Variants in CAPN12 observed in about 807,000 individuals in gnomAD.
The protein encoded by CAPN12 is calpain 12, also known as calpain-12.
In CAPN12, 107 loss-of-function variants were observed where a neutral mutation model predicts 95.0. The observed-to-expected ratio is 1.13, with a 90% CI of 0.96 to 1.32. The LOEUF (loss-of-function observed/expected upper bound fraction) is 1.32. Ranked by LOEUF, CAPN12 falls within the 40% of genes most tolerant of loss-of-function variation. The probability of loss-of-function intolerance (pLI) is 0.00; values close to 1 mark genes in which losing one functional copy is unlikely to be tolerated. For missense variants in CAPN12, 1,136 were observed against 997.8 expected, an observed-to-expected ratio of 1.14 and a Z score of -1.87; for synonymous variants, 505 against 415.5, an observed-to-expected ratio of 1.22 and a Z score of -2.62.
Position 38,737,262 on chromosome 19 carries a change from C to G in CAPN12, c.1256G>C (p.Gly419Ala). The G allele has an allele frequency of 6.5e-7, 1 of 1,548,276 alleles. No individual in the cohort carries two copies. The highest frequency in any genetic ancestry group is 2.0e-5 in the Admixed American group (1 of 51,058). Reference sequence around the variant, plus strand: ...AAGGACCGTGCACTTGGGCGTGCGGCCCCCCCGCGCTGGGCCCCGTGCCCC... The same window carrying G: ...AAGGACCGTGCACTTGGGCGTGCGGGCCCCCCGCGCTGGGCCCCGTGCCCC... ...AAGARGPARG[G>A]RTPKCTVLLS... The change falls in exon 10 of 21, where the codon GGC becomes GCC. Residue 419 changes from glycine to alanine, a missense_variant. By Grantham distance (60) the Gly-to-Ala change is moderately conservative. Coordinates refer to ENST00000328867, the MANE Select transcript of CAPN12 (RefSeq NM_144691.4).
chr19:38,741,856 G>T lies in CAPN12; in HGVS notation c.481C>A (p.Arg161Ser), dbSNP rs539611909. ...DVVVDDRLPV[R>S]EGKLMFVRSE... ...CGCACGAACATCAGCTTCCCCTCACGCACGGGCAGCCTGTCATCCACCACG... is the reference window on the plus strand; with the variant it reads ...CGCACGAACATCAGCTTCCCCTCACTCACGGGCAGCCTGTCATCCACCACG... The change falls in exon 4 of 21, where the codon CGT (arginine) becomes AGT (serine). Residue 161 changes from arginine (R) to serine (S), a missense_variant. By Grantham distance (110) the Arg-to-Ser change is moderately radical (BLOSUM62 -1). Coordinates refer to ENST00000328867, the MANE Select transcript of CAPN12 (RefSeq NM_144691.4). The T allele has an allele frequency of 1.2e-5, 19 of 1,613,910 alleles. No homozygotes were observed. In the African/African-American group the frequency reaches 2.0e-4, roughly 17 times the overall value.
chr19:38,738,765 C>T, intron 5 of CAPN12, 117 bp from the exon 6 acceptor site: 2 of 826,008 alleles, frequency 2.4e-6, no homozygotes, highest in South Asian at 1.5e-5. Flanking sequence ...AACTGAATGG[C>T]ACGCAGCTCA....
rs1295559703 is a variant in CAPN12 at position 38,730,605 on chromosome 19, G to GCACT, written c.*243_*246dup. On this transcript the variant is annotated 3_prime_UTR_variant, in exon 21 of 21. Coordinates refer to ENST00000328867, the MANE Select transcript of CAPN12 (RefSeq NM_144691.4). ...TTCTAGGAGAGCCAGGGCAGAGCTA[G>GCACT]CACTGTCTTAAGCTGTCAACGTGGA... 1.7e-6 allele frequency: 1 copy of GCACT among 592,522 alleles called. No homozygotes were observed. Among genetic ancestry groups the GCACT allele is most frequent in the Non-Finnish European group, 3.0e-6 (1 of 331,446 alleles). 36.7% of individuals were successfully genotyped at this position (592,522 alleles called of 1,614,324 possible).
At chr19:38,731,346 A>C (rs1458971907) in intron 18 of CAPN12, 123 bp from the exon 19 acceptor site, 6 of 734,840 alleles carry the variant, frequency 8.2e-6, no homozygotes, top group Non-Finnish European at 1.4e-5. Context: ...ACTCTGCCCC[A>C]TCCCGGCAGG....
At chr19:38,738,949 T>C (rs530135436) in intron 5 of CAPN12, 2 of 453,556 alleles carry the variant, frequency 4.4e-6, no homozygotes, top group African/African-American at 2.0e-5. Flanking sequence ...CTGGGCAACA[T>C]AGCAAGACCC....
At chr19:38,732,553 G>A (rs1969704694) in intron 18 of CAPN12, among the ~76,000 whole-genome samples, 1 of 152,168 alleles carries the variant, frequency 6.6e-6, no homozygotes, top group Non-Finnish European at 1.5e-5. Context: ...GGCTGGTCTT[G>A]AACTCCTAGG....
intron 4 of CAPN12, 108 bp downstream of exon 4, chr19:38,741,669 G>C: frequency 1.4e-6 from 2 of 1,382,874 alleles, no homozygotes; most frequent in Non-Finnish European, 1.9e-6. Flanking sequence ...GGGATTCTTG[G>C]TGGGGTGTTT....
chr19:38,737,098 G>A, intron 10 of CAPN12, 58 bp downstream of exon 10: 2 of 259,386 alleles, frequency 7.7e-6, no homozygotes, highest in East Asian at 2.3e-4. Flanking sequence ...TCCTTGGCCC[G>A]GCCCCGCCCC....
In CAPN12 at chr19:38,738,469, C is replaced by A. The variant is rs139983006; in HGVS notation, c.839G>T (p.Arg280Leu). 1 of 1,610,110 alleles carries A rather than the reference C, an allele frequency of 6.2e-7. No individual in the cohort carries two copies. Among genetic ancestry groups the A allele is most frequent in the South Asian group, 1.1e-5 (1 of 90,602 alleles). The change falls in exon 7 of 21, where the codon CGG (arginine) becomes CTG (leucine). Residue 280 changes from arginine to leucine, a missense_variant. Arg to Leu is a moderately radical substitution (Grantham distance 102, BLOSUM62 -2). Coordinates refer to ENST00000328867, the MANE Select transcript of CAPN12 (RefSeq NM_144691.4). ...FLGFTKVRLL[R>L]LRNPWGCVEW... ...CACGCAGCCCCATGGGTTCCGCAGC[C>A]GCAGCAGCCGCACCTTGGTGAAGCC...
In CAPN12 at chr19:38,731,085, ACCATGCCG is replaced by A. The variant is rs1969558674; in HGVS notation, c.2074+14_2074+21del. ...CCCGTACCCCTTCCCCCCATGCCCC[ACCATGCCG>A]GGGTGGTACTCACAGAAGATGCAGG... On this transcript the variant is annotated intron_variant, in intron 19 of 20. Coordinates refer to ENST00000328867, the MANE Select transcript of CAPN12 (RefSeq NM_144691.4). 21 of 1,100,760 alleles carry A rather than the reference ACCATGCCG, an allele frequency of 1.9e-5. No individual in the cohort carries two copies. Among genetic ancestry groups the A allele is most frequent in the Non-Finnish European group, 2.6e-5 (20 of 781,970 alleles). 68.2% of individuals were successfully genotyped at this position (1,100,760 alleles called of 1,614,324 possible). A position where few individuals can be genotyped will look rare whatever the true frequency, so the allele number is the denominator to read the frequency against.
Position 38,744,233 on chromosome 19 carries a change from C to T in CAPN12, c.-68G>A, listed in dbSNP as rs1325938507. 6.9e-7 allele frequency: 1 copy of T among 1,449,762 alleles called. No individual in the cohort carries two copies. Among genetic ancestry groups the T allele is most frequent in the East Asian group, 2.3e-5 (1 of 44,026 alleles). 89.8% of individuals were successfully genotyped at this position (1,449,762 alleles called of 1,614,324 possible). On this transcript the variant is annotated 5_prime_UTR_variant, in exon 1 of 21. Transcript: ENST00000328867. The stretch of plus-strand genomic sequence containing the variant: ...CCTGAGTCACGGGGGCGGGGCCTCT[C>T]TTCCATTGGAGCCCCAGTGGGGTCT...
chr19:38,741,114 C>A (rs1163193840), intron 4 of CAPN12, among the ~76,000 whole-genome samples: 1 of 152,014 alleles, frequency 6.6e-6, no homozygotes, highest in Non-Finnish European at 1.5e-5. Flanking sequence ...TCTCAATGGA[C>A]CAGGAGAGAC....
At chr19:38,742,176 A>G in intron 3 of CAPN12, 1 of 617,412 alleles carries the variant, frequency 1.6e-6, no homozygotes, top group Non-Finnish European at 2.8e-6. Flanking sequence ...ATAAGAAAAA[A>G]TTAGCTGGGC....
chr19:38,743,141 A>G (rs923801688), intron 1 of CAPN12, 39 bp from the exon 2 acceptor site: 1 of 1,611,794 alleles, frequency 6.2e-7, no homozygotes, highest in Non-Finnish European at 8.5e-7. Context: ...AGCCTGAGAA[A>G]GCGAGGAAAG....
At position 38,738,793 on chromosome 19, in the gene CAPN12, A is replaced by C. The variant is rs1282375727; in HGVS notation, c.730-145T>G. ...GCAGCTCAGAGACCATGTCAGGGTT[A>C]GTGACTGAAGGCGAAAGAGAAAAGG... On this transcript the variant is annotated intron_variant, in intron 5 of 20. Transcript: ENST00000328867. 23 of 678,702 alleles carry C rather than the reference A, an allele frequency of 3.4e-5. No individual in the cohort carries two copies. In the East Asian group the frequency reaches 6.2e-4, roughly 18 times the overall value. The allele number at this position is 678,702 out of a possible 1,614,324, so 42.0% of individuals were successfully genotyped here. A position where few individuals can be genotyped will look rare whatever the true frequency, so the allele number is the denominator to read the frequency against.
intron 10 of CAPN12, 154 bp from the exon 11 acceptor site, chr19:38,736,717 G>GC (rs1970200576): frequency 2.1e-6 from 2 of 963,836 alleles, no homozygotes; most frequent in Admixed American, 5.8e-5. Context: ...CCCGACCCAG[G>GC]CCCTCGCCGA....
At chr19:38,730,944 T>G (rs371359575) in intron 20 of CAPN12, 21 bp downstream of exon 20, 1 of 1,550,582 alleles carries the variant, frequency 6.4e-7, no homozygotes. Context: ...TGAGCCACCC[T>G]GTCCCTCCCA....
chr19:38,740,124 T>C lies in CAPN12; in HGVS notation c.656A>G (p.Gln219Arg), dbSNP rs1970463019. The C allele has an allele frequency of 6.2e-7, 1 of 1,613,776 alleles. No individual in the cohort carries two copies. The highest frequency in any genetic ancestry group is 8.5e-7 in the Non-Finnish European group (1 of 1,179,942). The part of the protein sequence containing the change: ...GGVGEVLYLR[Q>R]NSMGLFSALR... ...GGCAGAGAACAGCCCCATGCTGTTTTGTCTCAGATAGAGCACCTCGCCCAC... is the reference window on the plus strand; with the variant it reads ...GGCAGAGAACAGCCCCATGCTGTTTCGTCTCAGATAGAGCACCTCGCCCAC... The change falls in exon 5 of 21, where the codon CAA becomes CGA. Residue 219 changes from glutamine (Q) to arginine (R), a missense_variant. Coordinates refer to ENST00000328867, the MANE Select transcript of CAPN12 (RefSeq NM_144691.4).
Position 38,734,770 on chromosome 19 carries a change from C to T in CAPN12, c.1744+43G>A, listed in dbSNP as rs759960913. The stretch of plus-strand genomic sequence containing the variant: ...GGCACCGGCTCTGGTTGCAGGACCC[C>T]TGGCTAAGACCCCTCCTCCTGCCCC... On this transcript the variant is annotated intron_variant, in intron 15 of 20. Coordinates refer to ENST00000328867, the MANE Select transcript of CAPN12 (RefSeq NM_144691.4). 4 of 1,588,290 alleles carry T rather than the reference C, an allele frequency of 2.5e-6. No individual in the cohort carries two copies. In the Admixed American group the frequency reaches 5.1e-5, roughly 20 times the overall value.
Sources: allele counts gnomAD v4.1 joint callset (sites outside exome capture counted in the v4.1 genomes callset), GRCh38; gene constraint gnomAD v4.1.1; transcripts MANE v1.5; gene names NCBI Gene and HGNC (gene_info 2026-07-23, HGNC 2026-07-21).